The following POFUT3 variants were observed in gnomAD, a reference collection of about 807,000 sequenced individuals.
The protein encoded by POFUT3 is protein O-fucosyltransferase 3.
chr8:33,449,550 A>C, the POFUT3 span, among the ~76,000 whole-genome samples: 2 of 152,164 alleles, frequency 1.3e-5, no homozygotes, highest in African/African-American at 4.8e-5. Context: ...CCAGCCTTGC[A>C]AAGTGCTGGG....
At chr8:33,450,514 C>T in the POFUT3 span, among the ~76,000 whole-genome samples, 116 of 152,210 alleles carry the variant, frequency 7.6e-4, no homozygotes, top group Admixed American at 1.7e-3. Context: ...AACAATGGTG[C>T]TAAGTTAGGA....
At chr8:33,310,987 C>T in the POFUT3 span, among the ~76,000 whole-genome samples, 1 of 152,228 alleles carries the variant, frequency 6.6e-6, no homozygotes, top group Non-Finnish European at 1.5e-5. Flanking sequence ...TTTTCCCTCC[C>T]TGCTCTGCTG....
At chr8:33,364,534 G>A in the POFUT3 span, among the ~76,000 whole-genome samples, 1 of 152,140 alleles carries the variant, frequency 6.6e-6, no homozygotes, top group African/African-American at 2.4e-5. Flanking sequence ...TATCGTCTCA[G>A]CCCAAAATCT....
chr8:33,351,726 A>G, the POFUT3 span, among the ~76,000 whole-genome samples: 3 of 152,224 alleles, frequency 2.0e-5, no homozygotes, highest in Non-Finnish European at 4.4e-5. Context: ...GGACTAAAAC[A>G]GTAAATTGAA....
At chr8:33,379,620 G>A in the POFUT3 span, among the ~76,000 whole-genome samples, 1 of 151,416 alleles carries the variant, frequency 6.6e-6, no homozygotes, top group Admixed American at 6.6e-5. Context: ...GGTGGATCAC[G>A]AGGTCAGGAG....
chr8:33,446,214 T>C, the POFUT3 span, among the ~76,000 whole-genome samples: 5 of 152,134 alleles, frequency 3.3e-5, no homozygotes, highest in East Asian at 7.8e-4. Context: ...CCCAGCACTT[T>C]GGGAGGCCGA....
the POFUT3 span, among the ~76,000 whole-genome samples, chr8:33,337,810 T>G: frequency 2.0e-5 from 3 of 152,230 alleles, no homozygotes; most frequent in African/African-American, 7.2e-5. Flanking sequence ...TACCGACTTA[T>G]TGCTTAAACA....
the POFUT3 span, among the ~76,000 whole-genome samples, chr8:33,430,827 C>T: frequency 2.6e-5 from 4 of 152,074 alleles, no homozygotes; most frequent in Non-Finnish European, 5.9e-5. Flanking sequence ...AGGCTGGTCT[C>T]GAACTCCCAA....
chr8:33,417,115 CA>C, the POFUT3 span, among the ~76,000 whole-genome samples: 1 of 152,166 alleles, frequency 6.6e-6, no homozygotes, highest in African/African-American at 2.4e-5. Flanking sequence ...GTCAGATCAG[CA>C]GCAGCATTAG....
At chr8:33,323,710 C>T in the POFUT3 span, among the ~76,000 whole-genome samples, 1 of 152,242 alleles carries the variant, frequency 6.6e-6, no homozygotes, top group East Asian at 1.9e-4. Flanking sequence ...TAAAAACAGC[C>T]ACCCCGGGAT....
At chr8:33,445,314 T>A in the POFUT3 span, among the ~76,000 whole-genome samples, 1 of 152,114 alleles carries the variant, frequency 6.6e-6, no homozygotes, top group Admixed American at 6.6e-5. Flanking sequence ...CCCAAAAAAG[T>A]CTTAAATCTG....
chr8:33,433,541 G>C, the POFUT3 span, among the ~76,000 whole-genome samples: 1 of 152,052 alleles, frequency 6.6e-6, no homozygotes, highest in Non-Finnish European at 1.5e-5. Flanking sequence ...GAACCAGAGA[G>C]GCAGAGTTTG....
chr8:33,392,896 G>T, the POFUT3 span, among the ~76,000 whole-genome samples: 1 of 152,004 alleles, frequency 6.6e-6, no homozygotes, highest in Non-Finnish European at 1.5e-5. Context: ...AAGGAGAATC[G>T]CTTGAACCTG....
the POFUT3 span, among the ~76,000 whole-genome samples, chr8:33,352,328 C>T: frequency 6.6e-6 from 1 of 152,172 alleles, no homozygotes; most frequent in Non-Finnish European, 1.5e-5. Flanking sequence ...AATGAAGGGG[C>T]CACTTTTCTG....
chr8:33,378,430 GA>G, the POFUT3 span, among the ~76,000 whole-genome samples: 1 of 152,132 alleles, frequency 6.6e-6, no homozygotes, highest in Non-Finnish European at 1.5e-5. Context: ...CACCACTGGG[GA>G]GGGGCATAAA....
chr8:33,415,119 G>C, the POFUT3 span, among the ~76,000 whole-genome samples: 1 of 151,980 alleles, frequency 6.6e-6, no homozygotes, highest in Admixed American at 6.6e-5. Flanking sequence ...AAAACTAGCT[G>C]GCTGTGGTGG....
chr8:33,434,674 G>C, the POFUT3 span, among the ~76,000 whole-genome samples: 83 of 152,300 alleles, frequency 5.4e-4, 2 homozygotes, highest in South Asian at 0.013. Context: ...TTTGGGTTCA[G>C]TGCTGCTGAT....
the POFUT3 span, among the ~76,000 whole-genome samples, chr8:33,322,619 G>A: frequency 6.6e-6 from 1 of 152,094 alleles, no homozygotes; most frequent in Non-Finnish European, 1.5e-5. Flanking sequence ...TAGTATAAAA[G>A]GGTAGAATAT....
the POFUT3 span, among the ~76,000 whole-genome samples, chr8:33,432,795 T>C: frequency 1.3e-5 from 2 of 152,202 alleles, no homozygotes; most frequent in Admixed American, 6.5e-5. Flanking sequence ...TTAAAATATG[T>C]TAACTAATTC....
Sources: gnomAD v4.1 joint callset for allele counts (sites outside exome capture counted in the v4.1 genomes callset) on GRCh38, gnomAD v4.1.1 for gene constraint, MANE v1.5 for transcripts, NCBI Gene and HGNC (gene_info 2026-07-23, HGNC 2026-07-21) for gene names.